The following MAK16 variants were observed in gnomAD, a reference collection of about 807,000 sequenced individuals.
MAK16 encodes the protein MAK16 homolog, also known as protein MAK16 homolog.
Under a neutral mutation model 49.9 loss-of-function variants are expected in MAK16, and 12 were observed. The ratio of observed to expected loss-of-function variants is 0.24; its 90% CI spans 0.15 to 0.39. The LOEUF is 0.39. MAK16 is among the 10% of genes least tolerant of loss of function. The probability of loss-of-function intolerance (pLI) is 1.00; values close to 1 mark genes in which losing one functional copy is unlikely to be tolerated. For missense variants in MAK16, 292 were observed against 363.7 expected (o/e 0.80, Z 1.60); for synonymous variants, 115 against 126.4 (o/e 0.91, Z 0.60).
chr8:33,485,447 C>T (rs533754347), intron 1 of MAK16: 21 of 615,796 alleles, frequency 3.4e-5, no homozygotes, highest in Non-Finnish European at 5.9e-5. Context: ...GTCACCTCAG[C>T]CCATGGGGTC....
intron 1 of MAK16, 78 bp from the exon 2 acceptor site, chr8:33,488,300 T>C: frequency 7.1e-7 from 1 of 1,404,264 alleles, no homozygotes; most frequent in Admixed American, 1.7e-5. Context: ...ATTCCTGTCC[T>C]TGGGCATTGC....
At position 33,498,474 on chromosome 8, in the gene MAK16, G is replaced by A. The variant is rs755448813; in HGVS notation, c.748G>A (p.Gly250Ser). Reference protein sequence around the residue: ...LDASSDEDQDGKSSSEEEEEK... With the variant: ...LDASSDEDQDSKSSSEEEEEK... The stretch of plus-strand genomic sequence containing the variant: ...TGCCAGCAGTGATGAAGATCAGGAT[G>A]GTAAATCCTCCAGTGAGGAGGAGGA... Residue 250 changes from glycine to serine, a missense_variant, in exon 10 of 10, where the codon GGT (glycine) becomes AGT (serine). Transcript: ENST00000360128. 6.2e-7 allele frequency: 1 copy of A among 1,613,990 alleles called. No individual in the cohort carries two copies. The highest frequency in any genetic ancestry group is 8.5e-7 in the Non-Finnish European group (1 of 1,179,988).
intron 1 of MAK16, 116 bp downstream of exon 1, chr8:33,485,337 T>G: frequency 2.1e-6 from 3 of 1,401,342 alleles, no homozygotes; most frequent in Non-Finnish European, 3.0e-6. Flanking sequence ...GCTCTGGATG[T>G]GAGGCTTCCG....
At chr8:33,485,450 A>G (rs1013752457) in intron 1 of MAK16, 4 of 607,100 alleles carry the variant, frequency 6.6e-6, no homozygotes, top group Non-Finnish European at 1.2e-5. Context: ...ACCTCAGCCC[A>G]TGGGGTCGAT....
At position 33,498,941 on chromosome 8, in the gene MAK16, A is replaced by G. The variant is rs561756257; in HGVS notation, c.*312A>G. 1.9e-5 allele frequency: 11 copies of G among 587,796 alleles called. No homozygotes were observed. The highest frequency in any genetic ancestry group is 1.7e-4 in the South Asian group (8 of 47,342). The allele number at this position is 587,796 out of a possible 1,614,324, so 36.4% of individuals were successfully genotyped here. ...TAAATATTTCTAAATTTTAAATGCT[A>G]CATTACTTGGTGTCCTTTTTTCTCC... is the stretch of plus-strand genomic sequence containing the variant. On this transcript the variant is annotated 3_prime_UTR_variant, in exon 10 of 10. Transcript: ENST00000360128.
At chr8:33,498,312 C>G in intron 9 of MAK16, 120 bp from the exon 10 acceptor site, 2 of 640,112 alleles carry the variant, frequency 3.1e-6, no homozygotes, top group Non-Finnish European at 5.0e-6. Context: ...GGGACAATTT[C>G]TGAACACAGA....
intron 9 of MAK16, 104 bp downstream of exon 9, chr8:33,497,401 CAGCACT>C: frequency 1.2e-6 from 1 of 855,092 alleles, no homozygotes; most frequent in Non-Finnish European, 1.8e-6. Flanking sequence ...CCTATAATTG[CAGCACT>C]TTGGGAGGCC....
At chr8:33,490,052 T>G (rs1201836342) in intron 5 of MAK16, among the ~76,000 whole-genome samples, 1 of 152,192 alleles carries the variant, frequency 6.6e-6, no homozygotes, top group Admixed American at 6.6e-5. Context: ...ATTAAATTTC[T>G]AGAAGCGTTT....
rs1314313183 is a variant in MAK16, at chr8:33,496,736, G to A, written c.634G>A (p.Glu212Lys). 1.2e-6 allele frequency: 2 copies of A among 1,605,246 alleles called. No individual in the cohort carries two copies. Among genetic ancestry groups the A allele is most frequent in the African/African-American group, 2.7e-5 (2 of 74,758 alleles). Residue 212 changes from glutamate (E) to lysine (K), a missense_variant, in exon 8 of 10, where the codon GAG (glutamate) becomes AAG (lysine). Coordinates refer to ENST00000360128, the MANE Select transcript of MAK16 (RefSeq NM_032509.4). Reference protein sequence around the residue: ...TEEKDDDDDDEEDVGKREFVE... With the variant: ...TEEKDDDDDDKEDVGKREFVE... ...GGAAAAAGATGATGATGATGATGATGAGGAAGTAAGTCTTGTTTTTGTTTT... is the reference window on the plus strand; with the variant it reads ...GGAAAAAGATGATGATGATGATGATAAGGAAGTAAGTCTTGTTTTTGTTTT...
intron 1 of MAK16, chr8:33,485,484 A>G: frequency 1.9e-6 from 1 of 534,140 alleles, no homozygotes; most frequent in Non-Finnish European, 3.4e-6. Context: ...CGTGCCTACC[A>G]ATGCAGGACG....
chr8:33,489,117 A>G lies in MAK16; in HGVS notation c.370A>G (p.Arg124Gly). ...GATCACCCAATACCTAATTCGAATTAGAAAACTTACACTAAAGCGACAGTA... is the reference window on the plus strand; with the variant it reads ...GATCACCCAATACCTAATTCGAATTGGAAAACTTACACTAAAGCGACAGTA... ...TKITQYLIRI[R>G]KLTLKRQRKL... The change falls in exon 5 of 10, where the codon AGA (arginine) becomes GGA (glycine). Residue 124 changes from arginine (R) to glycine (G), a missense_variant. Transcript: ENST00000360128. This position sits in a 1 kb window ranked among gnomAD's most constrained non-coding sequence, Gnocchi z 4.2. 1 of 1,613,634 alleles carries G rather than the reference A, an allele frequency of 6.2e-7. No individual in the cohort carries two copies.
chr8:33,491,112 A>C (rs1302408241), intron 6 of MAK16, among the ~76,000 whole-genome samples: 1 of 152,200 alleles, frequency 6.6e-6, no homozygotes, highest in Non-Finnish European at 1.5e-5. Context: ...AAATGACAGA[A>C]TCTCATTCTT....
In MAK16 at chr8:33,500,664, C is replaced by G; in HGVS notation, c.*2035C>G. Reference sequence around the variant, plus strand: ...CAAAGACAGCCTCTAGATTTCTTACCCTCAAGTCTCCTGTTAGCATACTGC... The same window carrying G: ...CAAAGACAGCCTCTAGATTTCTTACGCTCAAGTCTCCTGTTAGCATACTGC... On this transcript the variant is annotated 3_prime_UTR_variant, in exon 10 of 10. Coordinates refer to ENST00000360128, the MANE Select transcript of MAK16 (RefSeq NM_032509.4). 1 of 666,680 alleles carries G rather than the reference C, an allele frequency of 1.5e-6. No individual in the cohort carries two copies. The highest frequency in any genetic ancestry group is 2.5e-6 in the Non-Finnish European group (1 of 406,294). The allele number at this position is 666,680 out of a possible 1,614,324, so 41.3% of individuals were successfully genotyped here.
chr8:33,497,889 A>G (rs1323917454), intron 9 of MAK16, among the ~76,000 whole-genome samples: 1 of 151,342 alleles, frequency 6.6e-6, no homozygotes, highest in African/African-American at 2.4e-5. Context: ...TGAGGTCAGG[A>G]GTTCGAGACC....
In MAK16 at chr8:33,496,692, G is replaced by A. The variant is rs144995547; in HGVS notation, c.590G>A (p.Ser197Asn). ...GCCCTGGAACAACAGGAGGCAGAGA[G>A]TGACTCTTCAGATACTGAGGAAAAA... is the stretch of plus-strand genomic sequence containing the variant. ...DKALEQQEAE[S>N]DSSDTEEKDD... Residue 197 changes from serine (S) to asparagine (N), a missense_variant, in exon 8 of 10, where the codon AGT becomes AAT. By Grantham distance (46) the Ser-to-Asn change is conservative (BLOSUM62 1). Transcript: ENST00000360128. The A allele has an allele frequency of 4.6e-5, 75 of 1,613,422 alleles. No homozygotes were observed. In the African/African-American group the frequency reaches 7.7e-4, roughly 17 times the overall value.
At position 33,485,215 on chromosome 8, in the gene MAK16, G is replaced by C. The variant is rs147879677; in HGVS notation, c.9G>C (p.Ser3=). 291 of 1,614,074 alleles carry C rather than the reference G, an allele frequency of 1.8e-4. No individual in the cohort carries two copies. Among genetic ancestry groups the C allele is most frequent in the Non-Finnish European group, 2.4e-4 (280 of 1,180,046 alleles). Residue 3 remains serine (S), a synonymous_variant, in exon 1 of 10, where the codon TCG becomes TCC. Transcript: ENST00000360128. MQ[S]DDVIWDTLGN... ...GCTGAGCCGCGGACACCATGCAGTC[G>C]GATGATGTGAGTCTCCTCCGGTTGT...
chr8:33,499,063 CT>C lies in MAK16; in HGVS notation c.*437del. ...AGGAAAGGAAGGAAGGAAAAAGCAG[CT>C]TTCACTTACAAAGTTTCGTGTAAAA... On this transcript the variant is annotated 3_prime_UTR_variant, in exon 10 of 10. Transcript: ENST00000360128. 1 of 914,450 alleles carries C rather than the reference CT, an allele frequency of 1.1e-6. No individual in the cohort carries two copies. The highest frequency in any genetic ancestry group is 1.8e-6 in the Non-Finnish European group (1 of 571,042). The allele number at this position is 914,450 out of a possible 1,614,324, so 56.6% of individuals were successfully genotyped here.
In MAK16 at chr8:33,501,199, ATAAT is replaced by A. The variant is rs1809064863; in HGVS notation, c.*2572_*2575del. 6.6e-6 allele frequency: 1 copy of A among 152,228 alleles called. No homozygotes were observed. Among genetic ancestry groups the A allele is most frequent in the Non-Finnish European group, 1.5e-5 (1 of 68,044 alleles). 9.4% of individuals were successfully genotyped at this position (152,228 alleles called of 1,614,324 possible). On this transcript the variant is annotated 3_prime_UTR_variant, in exon 10 of 10. Transcript: ENST00000360128. ...AAAAAACTTTAATGAAAGGTGGAAA[ATAAT>A]TTAACTTACAATGTGAAAATACAAT...
chr8:33,488,867 G>A (rs1450686124), intron 4 of MAK16, 69 bp downstream of exon 4: 4 of 1,601,154 alleles, frequency 2.5e-6, no homozygotes, highest in Non-Finnish European at 3.4e-6. Flanking sequence ...TGACCATGAT[G>A]CCCAATTCCA....
Sources: gnomAD v4.1 joint callset for allele counts (sites outside exome capture counted in the v4.1 genomes callset) on GRCh38, gnomAD v4.1.1 for gene constraint, Gnocchi (gnomAD v3.1) non-coding constraint, MANE v1.5 for transcripts, NCBI Gene and HGNC (gene_info 2026-07-23, HGNC 2026-07-21) for gene names.